ATF6: variants seen among roughly 807,000 people sequenced by gnomAD.
ATF6 encodes the protein activating transcription factor 6.
A neutral mutation model predicts 83.6 loss-of-function variants in ATF6; 53 were observed. The ratio of observed to expected loss-of-function variants is 0.63; its 90% CI spans 0.51 to 0.80. The LOEUF (loss-of-function observed/expected upper bound fraction) is 0.80, where lower values mean the gene tolerates loss of function less well. Among genes scored for constraint, ATF6 ranks in the 30% least tolerant of loss-of-function variants. ATF6 has a pLI of 0.00. For missense variants in ATF6, 744 were observed against 797.9 expected (o/e 0.93, Z 0.81); for synonymous variants, 288 against 285.8 (o/e 1.01, Z -0.08).
rs1024283046 is a variant in ATF6 at position 161,961,144 on chromosome 1, G to A, written c.*2490G>A. On this transcript the variant is annotated 3_prime_UTR_variant, in exon 16 of 16. Transcript: ENST00000367942. ...CCAACTCCTCAGATGCAAGACTTTG[G>A]TTATGTCATACTCACCAACGTTAGT... 3 of 152,168 alleles carry A rather than the reference G, an allele frequency of 2.0e-5. No individual in the cohort carries two copies. The highest frequency in any genetic ancestry group is 4.8e-5 in the African/African-American group (2 of 41,434). The allele number at this position is 152,168 out of a possible 1,614,324, so 9.4% of individuals were successfully genotyped here.
intron 15 of ATF6, among the ~76,000 whole-genome samples, chr1:161,948,350 A>G (rs181598755): frequency 6.6e-6 from 1 of 152,326 alleles, no homozygotes; most frequent in Admixed American, 6.5e-5. Flanking sequence ...TTCCAGAATT[A>G]ATATTTTCTG....
Position 161,791,989 on chromosome 1 carries a change from A to G in ATF6, c.485-135A>G, listed in dbSNP as rs1341863164. 16 of 784,998 alleles carry G rather than the reference A, an allele frequency of 2.0e-5. No homozygotes were observed. The East Asian group carries it at 3.7e-4, about 18-fold the overall frequency. The allele number at this position is 784,998 out of a possible 1,614,324, so 48.6% of individuals were successfully genotyped here. On this transcript the variant is annotated intron_variant, in intron 5 of 15. Transcript: ENST00000367942. Reference sequence around the variant, plus strand: ...TCATTCAGGTATATGTACTGTAGCTATGCTTAAACTCCAGTTAAAGATTGT... The same window carrying G: ...TCATTCAGGTATATGTACTGTAGCTGTGCTTAAACTCCAGTTAAAGATTGT...
chr1:161,798,026 A>G (rs1685061159), intron 6 of ATF6, among the ~76,000 whole-genome samples: 1 of 152,176 alleles, frequency 6.6e-6, no homozygotes, highest in Non-Finnish European at 1.5e-5. Context: ...CACCCCTGCA[A>G]CCATCTGGTC....
intron 14 of ATF6, among the ~76,000 whole-genome samples, chr1:161,893,229 C>T (rs1397663979): frequency 2.6e-5 from 4 of 151,516 alleles, no homozygotes; most frequent in Non-Finnish European, 4.4e-5. Context: ...TGCAGTGGTG[C>T]GATCTCGACT....
rs1275375528 is a variant in ATF6, at chr1:161,893,649, ATTTTCC to A, written c.1720-18646_1720-18641del. ...CCTTCAAGTAAAAAGAGTTCTTTTT[ATTTTCC>A]CTGTAAGGTGTTCTATCTGATTCAG... On this transcript the variant is annotated intron_variant, in intron 14 of 15. Coordinates refer to ENST00000367942, the MANE Select transcript of ATF6 (RefSeq NM_007348.4). 2.8e-3 allele frequency among the ~76,000 whole-genome samples: 423 copies of A among 152,236 alleles called. 1 individual carries two copies. Among genetic ancestry groups the A allele is most frequent in the African/African-American group, 9.9e-3 (410 of 41,554 alleles).
At chr1:161,895,696 T>A (rs1026797774) in intron 14 of ATF6, among the ~76,000 whole-genome samples, 2 of 152,218 alleles carry the variant, frequency 1.3e-5, no homozygotes, top group African/African-American at 4.8e-5. Flanking sequence ...GCTTTTAGGT[T>A]GGGGCTTCAT....
In ATF6 at chr1:161,958,438, G is replaced by A. The variant is rs377077226; in HGVS notation, c.1805-8G>A. 31 of 1,590,826 alleles carry A rather than the reference G, an allele frequency of 1.9e-5. No individual in the cohort carries two copies. The highest frequency in any genetic ancestry group is 9.0e-5 in the East Asian group (4 of 44,654). On this transcript the variant is annotated splice_region_variant and splice_polypyrimidine_tract_variant and intron_variant, in intron 15 of 15. Transcript: ENST00000367942. ...ATATTTATTCTTTGTGTATATTCCTGTCTGCAGAGAATGTGATCAATGGGC... is the reference window on the plus strand; with the variant it reads ...ATATTTATTCTTTGTGTATATTCCTATCTGCAGAGAATGTGATCAATGGGC...
chr1:161,828,865 G>T (rs1464314638), intron 9 of ATF6, among the ~76,000 whole-genome samples: 1 of 152,122 alleles, frequency 6.6e-6, no homozygotes, highest in Non-Finnish European at 1.5e-5. Flanking sequence ...AAAAGAAAGT[G>T]TCCATCCTAG....
chr1:161,859,800 T>TA (rs1210026391), intron 12 of ATF6, among the ~76,000 whole-genome samples: 2 of 152,204 alleles, frequency 1.3e-5, no homozygotes, highest in African/African-American at 4.8e-5. Context: ...TCTCTGTGTT[T>TA]AACTCAGTAA....
At chr1:161,854,281 A>G (rs1686706930) in intron 12 of ATF6, among the ~76,000 whole-genome samples, 1 of 152,196 alleles carries the variant, frequency 6.6e-6, no homozygotes, top group African/African-American at 2.4e-5. Context: ...GCTTTTCTCC[A>G]AGCAGGGAGT....
intron 1 of ATF6, among the ~76,000 whole-genome samples, chr1:161,770,702 TCA>T (rs1557950917): frequency 6.6e-6 from 1 of 152,234 alleles, no homozygotes; most frequent in South Asian, 2.1e-4. Context: ...GGCCATAAAT[TCA>T]CAGTTTGCTT....
At chr1:161,858,769 G>A (rs1219643305) in intron 12 of ATF6, among the ~76,000 whole-genome samples, 1 of 152,142 alleles carries the variant, frequency 6.6e-6, no homozygotes, top group Non-Finnish European at 1.5e-5. Flanking sequence ...AAAAGCTCAT[G>A]ACTAGTTTTT....
chr1:161,926,646 T>C (rs548215919), intron 15 of ATF6, among the ~76,000 whole-genome samples: 12 of 152,218 alleles, frequency 7.9e-5, no homozygotes, highest in African/African-American at 2.4e-4. Context: ...CCCTCGTACA[T>C]TGTGGGAGGG....
intron 9 of ATF6, among the ~76,000 whole-genome samples, chr1:161,843,065 G>A (rs533067647): frequency 2.6e-5 from 4 of 152,300 alleles, no homozygotes; most frequent in Middle Eastern, 3.4e-3. Flanking sequence ...GTAGCTCGGC[G>A]CACAAGTCAA....
chr1:161,862,296 G>A (rs992251700), intron 13 of ATF6, among the ~76,000 whole-genome samples: 1 of 152,086 alleles, frequency 6.6e-6, no homozygotes. Context: ...TTCCATTTAG[G>A]TCAGTCTTTT....
intron 14 of ATF6, among the ~76,000 whole-genome samples, chr1:161,893,143 C>T (rs964495612): frequency 1.3e-5 from 2 of 151,956 alleles, no homozygotes; most frequent in South Asian, 2.1e-4. Context: ...ACTGGTTTAG[C>T]GGAAACTTTA....
At chr1:161,814,283 C>T (rs1479338953) in intron 7 of ATF6, among the ~76,000 whole-genome samples, 1 of 152,214 alleles carries the variant, frequency 6.6e-6, no homozygotes, top group Non-Finnish European at 1.5e-5. Context: ...GTGTTCAGGA[C>T]TTGGGTCCCT....
intron 4 of ATF6, among the ~76,000 whole-genome samples, chr1:161,791,106 CTGTGTG>C (rs565632055): frequency 1.1e-3 from 131 of 120,822 alleles, no homozygotes; most frequent in African/African-American, 4.8e-3. Context: ...GTGTGTGTCT[CTGTGTG>C]TGTGTGTGTG....
At chr1:161,924,307 G>A (rs1330569942) in intron 15 of ATF6, among the ~76,000 whole-genome samples, 2 of 152,066 alleles carry the variant, frequency 1.3e-5, no homozygotes, top group African/African-American at 2.4e-5. Flanking sequence ...TTTCAGAGAT[G>A]TACATGCCAA....
Sources: allele counts gnomAD v4.1 joint callset (sites outside exome capture counted in the v4.1 genomes callset), GRCh38; gene constraint gnomAD v4.1.1; transcripts MANE v1.5; gene names NCBI Gene and HGNC (gene_info 2026-07-23, HGNC 2026-07-21).